MYOM1: variants seen among roughly 807,000 people sequenced by gnomAD.
MYOM1 encodes myomesin-1.
MYOM1 carries 164 observed loss-of-function variants against 205.3 expected under a neutral mutation model. That is an observed-to-expected ratio of 0.80 (90% confidence interval 0.70 to 0.91). The LOEUF is 0.91. Among genes scored for constraint, MYOM1 ranks in the 40% least tolerant of loss-of-function variants. The probability of loss-of-function intolerance (pLI) is 0.00; values close to 1 mark genes in which losing one functional copy is unlikely to be tolerated. For synonymous variants in MYOM1, 772 were observed against 789.4 expected, an observed-to-expected ratio of 0.98 and a Z score of 0.37; for missense variants, 2,011 against 2,127.3, an observed-to-expected ratio of 0.95 and a Z score of 1.08.
chr18:3,133,205 T>C (rs1251520683), intron 16 of MYOM1, among the ~76,000 whole-genome samples: 2 of 152,134 alleles, frequency 1.3e-5, no homozygotes, highest in African/African-American at 4.8e-5. Flanking sequence ...AATGAATCTC[T>C]TGCAAAACAT....
intron 2 of MYOM1, 68 bp downstream of exon 2, chr18:3,214,866 T>C (rs1008702248): frequency 1.9e-5 from 28 of 1,472,184 alleles, no homozygotes; most frequent in Non-Finnish European, 2.4e-5. Flanking sequence ...GAGAAGTAAC[T>C]GGGAGGGTTA....
intron 22 of MYOM1, among the ~76,000 whole-genome samples, chr18:3,110,731 CT>C (rs1399289596): frequency 2.0e-4 from 9 of 44,586 alleles, no homozygotes; most frequent in African/African-American, 6.2e-4. Flanking sequence ...CTAAGAGATT[CT>C]TTTTTTTCTT....
At chr18:3,118,440 A>G (rs547328438) in intron 20 of MYOM1, among the ~76,000 whole-genome samples, 12 of 152,210 alleles carry the variant, frequency 7.9e-5, no homozygotes, top group African/African-American at 2.9e-4. Context: ...TGACCTCGTG[A>G]GCTCAAGCAA....
chr18:3,100,518 C>A (rs1199049156), intron 23 of MYOM1, 92 bp from the exon 24 acceptor site: 4 of 846,790 alleles, frequency 4.7e-6, no homozygotes, highest in Non-Finnish European at 7.8e-6. Context: ...GTATACTACT[C>A]CTTTCATCTG....
chr18:3,205,603 C>T (rs1354743261), intron 2 of MYOM1, among the ~76,000 whole-genome samples: 2 of 152,108 alleles, frequency 1.3e-5, no homozygotes, highest in African/African-American at 2.4e-5. Flanking sequence ...CTAGAATCCC[C>T]ATACATTTTT....
intron 10 of MYOM1, among the ~76,000 whole-genome samples, chr18:3,155,534 A>G (rs954454442): frequency 2.6e-5 from 4 of 152,184 alleles, no homozygotes; most frequent in African/African-American, 9.7e-5. Context: ...AAATCTTGCT[A>G]TTTGTTGACC....
chr18:3,100,744 A>C (rs965548497), intron 23 of MYOM1, among the ~76,000 whole-genome samples: 2 of 151,946 alleles, frequency 1.3e-5, no homozygotes, highest in Admixed American at 1.3e-4. Context: ...GCTGGGAGCC[A>C]GACACTTCCC....
chr18:3,228,584 C>T, the MYOM1 span, among the ~76,000 whole-genome samples: 3 of 152,098 alleles, frequency 2.0e-5, no homozygotes, highest in African/African-American at 4.8e-5. This position sits in a 1 kb window ranked among gnomAD's most constrained non-coding sequence, Gnocchi z 4.5. Flanking sequence ...CAATTCATTT[C>T]GAATTTCCTT....
At chr18:3,232,752 A>G in the MYOM1 span, among the ~76,000 whole-genome samples, 2 of 152,216 alleles carry the variant, frequency 1.3e-5, no homozygotes, top group African/African-American at 4.8e-5. Context: ...GTTGTGATAT[A>G]TGCTATAAGA....
At chr18:3,071,969 C>T (rs1336539159) in intron 36 of MYOM1, 80 bp from the exon 37 acceptor site, 2 of 1,246,592 alleles carry the variant, frequency 1.6e-6, no homozygotes, top group Non-Finnish European at 2.3e-6. Flanking sequence ...CAGGAAGCTA[C>T]ATTTCCAATT....
At chr18:3,105,780 G>A (rs1454542921) in intron 22 of MYOM1, among the ~76,000 whole-genome samples, 2 of 152,192 alleles carry the variant, frequency 1.3e-5, no homozygotes, top group Non-Finnish European at 2.9e-5. Context: ...GCTTGGACCT[G>A]AGAGACGGAG....
At chr18:3,094,381 A>G in intron 25 of MYOM1, 75 bp from the exon 26 acceptor site, 2 of 522,692 alleles carry the variant, frequency 3.8e-6, no homozygotes, top group Non-Finnish European at 4.7e-6. Context: ...CATCAAGTGA[A>G]AAAAAAAAAA....
At position 3,129,299 on chromosome 18, in the gene MYOM1, CG is replaced by C. The variant is rs757405003; in HGVS notation, c.2726del (p.Pro909ArgfsTer17). On this transcript the variant is annotated frameshift_variant, in exon 18 of 38. Transcript: ENST00000356443. LOFTEE classifies it high-confidence loss of function. ...CCTGAGGAGCCGCTTTCTGTGGTGG[CG>C]GGGTAAGCTCTTCCTGAACTGTTTC... ...VSETVQEELT[P>X]PPQKAAPQGK... 1 of 1,613,930 alleles carries C rather than the reference CG, an allele frequency of 6.2e-7. No homozygotes were observed. The highest frequency in any genetic ancestry group is 8.5e-7 in the Non-Finnish European group (1 of 1,179,866).
intron 19 of MYOM1, among the ~76,000 whole-genome samples, chr18:3,123,531 C>T (rs964993588): frequency 5.3e-5 from 8 of 151,864 alleles, no homozygotes; most frequent in African/African-American, 1.9e-4. Context: ...TTAGAAGGTT[C>T]AATATTTTTT....
chr18:3,211,036 G>A (rs1297092512), intron 2 of MYOM1, among the ~76,000 whole-genome samples: 3 of 152,172 alleles, frequency 2.0e-5, no homozygotes, highest in Non-Finnish European at 2.9e-5. Flanking sequence ...CACCATGGAA[G>A]GTTGAGGAAC....
chr18:3,092,571 T>TTC (rs1555616233), intron 26 of MYOM1, among the ~76,000 whole-genome samples: 5 of 151,868 alleles, frequency 3.3e-5, no homozygotes, highest in African/African-American at 7.3e-5. Flanking sequence ...CTTTTTTTTT[T>TTC]CCCAGAATGT....
rs773564846 is a variant in MYOM1 at position 3,102,645 on chromosome 18, A to G, written c.3419-15T>C. 1.9e-6 allele frequency: 3 copies of G among 1,608,548 alleles called. No homozygotes were observed. The highest frequency in any genetic ancestry group is 1.7e-5 in the Admixed American group (1 of 58,982). On this transcript the variant is annotated splice_polypyrimidine_tract_variant and intron_variant, in intron 22 of 37. Coordinates refer to ENST00000356443, the MANE Select transcript of MYOM1 (RefSeq NM_003803.4). The stretch of plus-strand genomic sequence containing the variant: ...CTCTTTGGTTCCTACAAGATCAAAA[A>G]GAAGGCACTGATACTTCGTGGAGGA...
chr18:3,187,838 A>G (rs1598753142), intron 4 of MYOM1, among the ~76,000 whole-genome samples: 1 of 150,596 alleles, frequency 6.6e-6, no homozygotes, highest in South Asian at 2.1e-4. Flanking sequence ...AGCTTAAGCA[A>G]CATCTTTGAT....
intron 10 of MYOM1, among the ~76,000 whole-genome samples, chr18:3,156,549 C>T (rs2080304068): frequency 6.6e-6 from 1 of 151,944 alleles, no homozygotes; most frequent in Non-Finnish European, 1.5e-5. Flanking sequence ...AAACTTAATG[C>T]AGAATCTCTG....
Sources: allele counts gnomAD v4.1 joint callset (sites outside exome capture counted in the v4.1 genomes callset), GRCh38; gene constraint gnomAD v4.1.1; non-coding constraint Gnocchi (gnomAD v3.1); transcripts MANE v1.5; gene names NCBI Gene and HGNC (gene_info 2026-07-23, HGNC 2026-07-21).